Variants in ABLIM2 observed in about 807,000 individuals in gnomAD.
ABLIM2 encodes actin-binding LIM protein 2.
Under a neutral mutation model 97.7 loss-of-function variants are expected in ABLIM2, and 53 were observed. The ratio of observed to expected loss-of-function variants is 0.54; its 90% confidence interval spans 0.44 to 0.68. The LOEUF is 0.68. Among genes scored for constraint, ABLIM2 ranks in the 30% least tolerant of loss-of-function variants. The probability of loss-of-function intolerance (pLI) is 0.00; values close to 1 mark genes in which losing one functional copy is unlikely to be tolerated. For missense variants in ABLIM2, 835 were observed against 867.2 expected, an observed-to-expected ratio of 0.96 and a Z score of 0.47; for synonymous variants, 361 against 345.8, an observed-to-expected ratio of 1.04 and a Z score of -0.49.
At chr4:8,139,887 G>A (rs1400636518) in intron 1 of ABLIM2, among the ~76,000 whole-genome samples, 1 of 152,110 alleles carries the variant, frequency 6.6e-6, no homozygotes, top group Non-Finnish European at 1.5e-5. Context: ...TAAAGAAAAT[G>A]TAGCACATAT....
At chr4:8,066,793 CG>C (rs1561116211) in intron 6 of ABLIM2, 1 of 151,840 alleles carries the variant, frequency 6.6e-6, no homozygotes, top group African/African-American at 2.4e-5. Context: ...GGTTTCCTCT[CG>C]GGGTGACGAA....
intron 8 of ABLIM2, among the ~76,000 whole-genome samples, chr4:8,053,219 C>G (rs1006805969): frequency 6.6e-6 from 1 of 152,218 alleles, no homozygotes; most frequent in African/African-American, 2.4e-5. Context: ...CAAAAGAATG[C>G]AATCACTTGT....
intron 11 of ABLIM2, among the ~76,000 whole-genome samples, chr4:8,028,137 G>A (rs760423411): frequency 6.6e-6 from 1 of 152,208 alleles, no homozygotes; most frequent in Admixed American, 6.5e-5. Flanking sequence ...CAGGCCTGTC[G>A]CTTAGCATTT....
chr4:8,104,054 C>G (rs1242657272), intron 2 of ABLIM2, among the ~76,000 whole-genome samples: 2 of 152,250 alleles, frequency 1.3e-5, no homozygotes, highest in Non-Finnish European at 2.9e-5. Flanking sequence ...AATCCACTAG[C>G]TGCAGGGAGA....
Position 8,001,335 on chromosome 4 carries a change from C to T in ABLIM2, c.1618+6724G>A, listed in dbSNP as rs1757046593. ...TGCTGCTACCCGCAGAACTGGGAGG[C>T]CACACCCTGTTCAGTCCCTAGGTGT... On this transcript the variant is annotated intron_variant, in intron 16 of 20. Transcript: ENST00000447017. The surrounding 1 kb of genome is among the most constrained non-coding windows in gnomAD (Gnocchi z 4.2). Among the ~76,000 whole-genome samples, 1 of 152,242 alleles carries T rather than the reference C, an allele frequency of 6.6e-6. No individual in the cohort carries two copies. Among genetic ancestry groups the T allele is most frequent in the East Asian group, 1.9e-4 (1 of 5,174 alleles).
chr4:8,144,545 TGGAG>T lies in ABLIM2; in HGVS notation c.10+14131_10+14134del, dbSNP rs200490450. On this transcript the variant is annotated intron_variant, in intron 1 of 20. Transcript: ENST00000447017. ...GCTGACCCACATTTAATGCAGATTATGGAGGGAGGGAGGGAGGGCGCCATTCAGC... is the reference window on the plus strand; with the variant it reads ...GCTGACCCACATTTAATGCAGATTATGGAGGGAGGGAGGGCGCCATTCAGC... Among the ~76,000 whole-genome samples, 942 of 144,118 alleles carry T rather than the reference TGGAG, an allele frequency of 6.5e-3. 2 individuals are homozygous for T. The highest frequency in any genetic ancestry group is 0.018 in the South Asian group (73 of 4,170). The allele number at this position is 144,118 out of a possible 152,430, so 94.5% of individuals were successfully genotyped here.
At chr4:8,105,085 T>C (rs954327998) in intron 2 of ABLIM2, among the ~76,000 whole-genome samples, 12 of 152,258 alleles carry the variant, frequency 7.9e-5, no homozygotes, top group African/African-American at 2.9e-4. Flanking sequence ...CTTCCAGACC[T>C]CAGTGTCCCT....
chr4:8,087,940 C>T lies in ABLIM2; in HGVS notation c.454+229G>A, dbSNP rs1393519962. 2.6e-5 allele frequency among the ~76,000 whole-genome samples: 4 copies of T among 151,836 alleles called. No individual in the cohort carries two copies. The highest frequency in any genetic ancestry group is 4.4e-5 in the Non-Finnish European group (3 of 67,956). ...GCTCTGGGTCCCCGTTTCTCAGGCTCTGTCCCTGGGCACTGCAGAGACCAA... is the reference window on the plus strand; with the variant it reads ...GCTCTGGGTCCCCGTTTCTCAGGCTTTGTCCCTGGGCACTGCAGAGACCAA... On this transcript the variant is annotated intron_variant, in intron 4 of 20. Coordinates refer to ENST00000447017, the MANE Select transcript of ABLIM2 (RefSeq NM_001130083.2). This position sits in a 1 kb window ranked among gnomAD's most constrained non-coding sequence, Gnocchi z 4.6.
rs375863227 is a variant in ABLIM2 at position 8,088,158 on chromosome 4, C to T, written c.454+11G>A. On this transcript the variant is annotated intron_variant, in intron 4 of 20. Coordinates refer to ENST00000447017, the MANE Select transcript of ABLIM2 (RefSeq NM_001130083.2). ...CCCCACTCAACATGCCCCCACTCAGCGCCCACTTACTTCGGAGGCCCTGGG... is the reference window on the plus strand; with the variant it reads ...CCCCACTCAACATGCCCCCACTCAGTGCCCACTTACTTCGGAGGCCCTGGG... The T allele has an allele frequency of 1.6e-5, 24 of 1,537,212 alleles. No individual in the cohort carries two copies. Among genetic ancestry groups the T allele is most frequent in the Admixed American group, 7.0e-5 (4 of 56,818 alleles).
chr4:8,109,165 C>T (rs1265208760), intron 1 of ABLIM2, among the ~76,000 whole-genome samples: 6 of 152,152 alleles, frequency 3.9e-5, no homozygotes, highest in Admixed American at 3.9e-4. Context: ...CTCCCAGCCC[C>T]CTCTTCTGGT....
chr4:8,114,751 C>G (rs1178398671), intron 1 of ABLIM2, among the ~76,000 whole-genome samples: 2 of 151,960 alleles, frequency 1.3e-5, no homozygotes, highest in African/African-American at 4.8e-5. Context: ...TGGGCACTCT[C>G]TCCTTGCCAA....
chr4:8,109,239 G>A (rs1431937386), intron 1 of ABLIM2, among the ~76,000 whole-genome samples: 2 of 152,214 alleles, frequency 1.3e-5, no homozygotes, highest in Non-Finnish European at 2.9e-5. Flanking sequence ...CAGATGCCAG[G>A]GCTGGGCAGC....
At chr4:7,990,751 G>T (rs1340972726) in intron 17 of ABLIM2, among the ~76,000 whole-genome samples, 1 of 152,178 alleles carries the variant, frequency 6.6e-6, no homozygotes, top group East Asian at 1.9e-4. Context: ...TCCAGGTGCT[G>T]AGCAGGGCCG....
chr4:8,041,802 G>A (rs984158623), intron 9 of ABLIM2, among the ~76,000 whole-genome samples: 8 of 152,036 alleles, frequency 5.3e-5, no homozygotes, highest in Non-Finnish European at 1.0e-4. Flanking sequence ...TACTCGGGAG[G>A]CCGAGGCAGG....
chr4:8,141,086 G>C (rs142305863), intron 1 of ABLIM2, among the ~76,000 whole-genome samples: 3 of 152,210 alleles, frequency 2.0e-5, no homozygotes, highest in East Asian at 1.9e-4. Context: ...CATCCTGCAA[G>C]TCATCTCCAG....
intron 14 of ABLIM2, chr4:8,010,558 G>C: frequency 1.0e-6 from 1 of 985,940 alleles, no homozygotes; most frequent in Non-Finnish European, 1.2e-6. Flanking sequence ...ACCTTGACAA[G>C]ATAAGGCCAA....
chr4:8,078,901 C>T (rs553943910), intron 5 of ABLIM2, among the ~76,000 whole-genome samples: 8 of 152,380 alleles, frequency 5.3e-5, no homozygotes, highest in Non-Finnish European at 7.3e-5. Flanking sequence ...CACTCCAATG[C>T]GCCCCTTCCA....
chr4:8,121,387 AGGCGCCCCCG>A (rs1845375309), intron 1 of ABLIM2, among the ~76,000 whole-genome samples: 1 of 152,170 alleles, frequency 6.6e-6, no homozygotes, highest in Non-Finnish European at 1.5e-5. Flanking sequence ...TCGCTGGCCC[AGGCGCCCCCG>A]GCACCCACAT....
chr4:7,976,398 G>T (rs898638591), intron 20 of ABLIM2, among the ~76,000 whole-genome samples: 1 of 152,130 alleles, frequency 6.6e-6, no homozygotes, highest in African/African-American at 2.4e-5. Context: ...CTGCCTCTAC[G>T]CAGCCAATCT....
Sources: gnomAD v4.1 joint callset for allele counts (sites outside exome capture counted in the v4.1 genomes callset) on GRCh38, gnomAD v4.1.1 for gene constraint, Gnocchi (gnomAD v3.1) non-coding constraint, MANE v1.5 for transcripts, NCBI Gene and HGNC (gene_info 2026-07-23, HGNC 2026-07-21) for gene names.